The following AIM2 variants were observed in gnomAD, a reference collection of about 807,000 sequenced individuals.
The protein encoded by AIM2 is absent in melanoma 2, also known as interferon-inducible protein AIM2.
A neutral mutation model predicts 27.7 loss-of-function variants in AIM2; 30 were observed. That is an observed-to-expected ratio of 1.08 (90% CI 0.81 to 1.47). AIM2 has a LOEUF of 1.47. AIM2 is among the 40% of genes most tolerant of loss of function. The pLI is 0.00. For missense variants in AIM2, 358 were observed against 411.3 expected (o/e 0.87, Z 1.12); for synonymous variants, 141 against 145.3 (o/e 0.97, Z 0.21).
intron 1 of AIM2, among the ~76,000 whole-genome samples, chr1:159,137,401 A>G (rs1286849545): frequency 1.3e-5 from 2 of 152,188 alleles, no homozygotes; most frequent in Non-Finnish European, 2.9e-5. Context: ...TCACACCTGT[A>G]ATCCCAGCAC....
intron 2 of AIM2, among the ~76,000 whole-genome samples, chr1:159,070,402 C>G (rs928620576): frequency 6.6e-6 from 1 of 152,124 alleles, no homozygotes; most frequent in Non-Finnish European, 1.5e-5. Flanking sequence ...AAAATGCAGT[C>G]GTATACTCTG....
intron 1 of AIM2, among the ~76,000 whole-genome samples, chr1:159,135,623 A>C (rs571163643): frequency 6.6e-6 from 1 of 152,280 alleles, no homozygotes; most frequent in East Asian, 1.9e-4. Context: ...CATAATAGAA[A>C]ATTTTTTTAA....
intron 1 of AIM2, among the ~76,000 whole-genome samples, chr1:159,089,573 C>T (rs1557900985): frequency 1.3e-5 from 2 of 152,328 alleles, no homozygotes; most frequent in East Asian, 3.9e-4. Flanking sequence ...ATCTGGTTCT[C>T]CCTTAAGAAG....
intron 1 of AIM2, among the ~76,000 whole-genome samples, chr1:159,137,197 G>A (rs1216357062): frequency 6.6e-6 from 1 of 152,120 alleles, no homozygotes; most frequent in Non-Finnish European, 1.5e-5. Flanking sequence ...CCTCAGAAGT[G>A]GTTTGAAAAT....
chr1:159,127,015 A>G (rs965445003), intron 1 of AIM2, among the ~76,000 whole-genome samples: 2 of 152,262 alleles, frequency 1.3e-5, no homozygotes, highest in Non-Finnish European at 2.9e-5. Flanking sequence ...CCACTTACAT[A>G]AAGTTTAAAA....
At chr1:159,068,168 C>A (rs937421149) in intron 3 of AIM2, among the ~76,000 whole-genome samples, 4 of 152,154 alleles carry the variant, frequency 2.6e-5, no homozygotes, top group East Asian at 1.9e-4. Context: ...AGCTCCCGAG[C>A]TCCCTGTAGG....
At chr1:159,119,796 TTG>T (rs372293063) in intron 1 of AIM2, among the ~76,000 whole-genome samples, 101 of 150,556 alleles carry the variant, frequency 6.7e-4, no homozygotes, top group Middle Eastern at 6.9e-3. Flanking sequence ...GTGCATGTGT[TTG>T]TGTGTGTGTG....
At chr1:159,067,386 CA>C (rs1656151720) in intron 3 of AIM2, among the ~76,000 whole-genome samples, 1 of 152,068 alleles carries the variant, frequency 6.6e-6, no homozygotes, top group Non-Finnish European at 1.5e-5. Context: ...CATTTAGAAC[CA>C]AAGGGAAATA....
At chr1:159,084,812 C>CACACAT (rs1215528807) in intron 1 of AIM2, among the ~76,000 whole-genome samples, 59 of 143,638 alleles carry the variant, frequency 4.1e-4, no homozygotes, top group African/African-American at 1.6e-3. Context: ...CACACACACA[C>CACACAT]ACATACAGAC....
chr1:159,061,558 ATTTTTTTTTTT>A (rs945588968), downstream of AIM2, among the ~76,000 whole-genome samples: 2 of 83,110 alleles, frequency 2.4e-5, no homozygotes, highest in Non-Finnish European at 4.6e-5. Context: ...GTGCCCGGCT[ATTTTTTTTTTT>A]TTTTTTTTTT....
At chr1:159,108,799 C>T (rs566210660) in intron 1 of AIM2, among the ~76,000 whole-genome samples, 3 of 152,038 alleles carry the variant, frequency 2.0e-5, no homozygotes, top group South Asian at 4.2e-4. Flanking sequence ...ACAACAGCTG[C>T]AAAATAAAAT....
chr1:159,107,994 A>G (rs1657488684), intron 1 of AIM2, among the ~76,000 whole-genome samples: 1 of 152,184 alleles, frequency 6.6e-6, no homozygotes, highest in African/African-American at 2.4e-5. Flanking sequence ...TTTGGTACCA[A>G]TTCTATTGAC....
chr1:159,129,404 G>C (rs1055527892), intron 1 of AIM2, among the ~76,000 whole-genome samples: 2 of 152,160 alleles, frequency 1.3e-5, no homozygotes, highest in Non-Finnish European at 1.5e-5. Flanking sequence ...ATTTGTACCT[G>C]CTCTATCCAC....
upstream of AIM2, among the ~76,000 whole-genome samples, chr1:159,145,171 G>A (rs1007200167): frequency 6.6e-6 from 1 of 152,092 alleles, no homozygotes; most frequent in East Asian, 1.9e-4. Context: ...GCAATGTCAG[G>A]CCTATAGAGT....
intron 1 of AIM2, among the ~76,000 whole-genome samples, chr1:159,129,045 C>T (rs942540907): frequency 6.6e-6 from 1 of 152,156 alleles, no homozygotes; most frequent in African/African-American, 2.4e-5. Flanking sequence ...TTGTAAAAAG[C>T]ATCTTGCAGA....
At chr1:159,101,426 A>T (rs542404694) in intron 1 of AIM2, among the ~76,000 whole-genome samples, 2 of 152,328 alleles carry the variant, frequency 1.3e-5, no homozygotes, top group South Asian at 4.1e-4. Flanking sequence ...GTATTTCTTC[A>T]TAGCAGCATG....
intron 3 of AIM2, among the ~76,000 whole-genome samples, chr1:159,066,953 T>G (rs1656129872): frequency 6.6e-6 from 1 of 152,190 alleles, no homozygotes; most frequent in African/African-American, 2.4e-5. Context: ...TAATGAATTA[T>G]GCACTAAGGT....
intron 1 of AIM2, among the ~76,000 whole-genome samples, chr1:159,102,610 G>A (rs1158804518): frequency 6.6e-6 from 1 of 152,246 alleles, no homozygotes; most frequent in African/African-American, 2.4e-5. Flanking sequence ...GCTGCCCAAA[G>A]CCATGGGAGC....
chr1:159,140,755 T>C (rs770051684), upstream of AIM2, among the ~76,000 whole-genome samples: 2 of 152,140 alleles, frequency 1.3e-5, no homozygotes, highest in Non-Finnish European at 2.9e-5. Flanking sequence ...CCAATCTGGC[T>C]AAATGTGGCC....
Sources: gnomAD v4.1 joint callset for allele counts (sites outside exome capture counted in the v4.1 genomes callset) on GRCh38, gnomAD v4.1.1 for gene constraint, MANE v1.5 for transcripts, NCBI Gene and HGNC (gene_info 2026-07-23, HGNC 2026-07-21) for gene names.